NTM: variants seen among roughly 807,000 people sequenced by gnomAD.
NTM encodes IgLON family member 2.
In NTM, 13 loss-of-function variants were observed where a neutral mutation model predicts 42.1. The ratio of observed to expected loss-of-function variants is 0.31; its 90% CI spans 0.20 to 0.49. The LOEUF (loss-of-function observed/expected upper bound fraction) is 0.49. NTM is among the 20% of genes least tolerant of loss of function. The pLI is 0.99. For synonymous variants in NTM, 187 were observed against 179.2 expected (o/e 1.04, Z -0.35); for missense variants, 373 against 452.8 (o/e 0.82, Z 1.60).
At chr11:132,157,359 G>A (rs890786522) in intron 3 of NTM, among the ~76,000 whole-genome samples, 1 of 152,138 alleles carries the variant, frequency 6.6e-6, no homozygotes, top group African/African-American at 2.4e-5. Flanking sequence ...CTTTGGAGAT[G>A]CACCCTTGTC....
intron 1 of NTM, among the ~76,000 whole-genome samples, chr11:131,666,128 TA>T (rs1195330008): frequency 6.6e-6 from 1 of 152,170 alleles, no homozygotes; most frequent in Admixed American, 6.5e-5. Context: ...ACAACACATC[TA>T]TTCTGAGGAT....
chr11:131,579,725 A>T (rs928026849), intron 1 of NTM, among the ~76,000 whole-genome samples: 1 of 152,192 alleles, frequency 6.6e-6, no homozygotes, highest in African/African-American at 2.4e-5. Flanking sequence ...AGTCAATGCA[A>T]GGGCAGAGAT....
In NTM at chr11:131,789,502, AG is replaced by A. The variant is rs1174530117; in HGVS notation, c.83-122061del. On this transcript the variant is annotated intron_variant, in intron 1 of 8. Coordinates refer to ENST00000683400, the MANE Select transcript of NTM (RefSeq NM_001352005.2). ...AGAAGAAGAAGAAGAGGAAAGAAGA[AG>A]AAGAAGAAGAAGAAGAAGAAGAAGA... 3.9e-4 allele frequency among the ~76,000 whole-genome samples: 4 copies of A among 10,290 alleles called. 2 individuals carry two copies. The highest frequency in any genetic ancestry group is 2.2e-3 in the Admixed American group (2 of 902). The allele number at this position is 10,290 out of a possible 152,430, so 6.8% of individuals were successfully genotyped here.
intron 4 of NTM, among the ~76,000 whole-genome samples, chr11:132,288,771 C>G (rs975672701): frequency 1.3e-5 from 2 of 152,260 alleles, no homozygotes; most frequent in South Asian, 2.1e-4. Flanking sequence ...AGGCGCCCAC[C>G]ACCACGCCCA....
At chr11:131,419,099 C>CA (rs933471829) in intron 1 of NTM, among the ~76,000 whole-genome samples, 5 of 152,144 alleles carry the variant, frequency 3.3e-5, no homozygotes, top group East Asian at 1.9e-4. Flanking sequence ...ATCCATCCCT[C>CA]AAAAAAATGG....
At chr11:132,091,860 A>G (rs1231469914) in intron 2 of NTM, among the ~76,000 whole-genome samples, 1 of 152,202 alleles carries the variant, frequency 6.6e-6, no homozygotes, top group Non-Finnish European at 1.5e-5. Context: ...TTGTACCTCC[A>G]GCAACTACAC....
chr11:131,571,164 C>G (rs2137086633), intron 1 of NTM, among the ~76,000 whole-genome samples: 1 of 152,320 alleles, frequency 6.6e-6, no homozygotes, highest in East Asian at 1.9e-4. Context: ...GTGCTTCAGA[C>G]AAGGAGGTGC....
intron 1 of NTM, among the ~76,000 whole-genome samples, chr11:131,678,244 A>G (rs1234806990): frequency 6.6e-6 from 1 of 152,196 alleles, no homozygotes; most frequent in Non-Finnish European, 1.5e-5. Flanking sequence ...CTAAGGGCAC[A>G]CCCTGGGCAC....
intron 2 of NTM, among the ~76,000 whole-genome samples, chr11:132,011,902 G>A (rs1231279916): frequency 6.6e-6 from 1 of 152,094 alleles, no homozygotes; most frequent in East Asian, 1.9e-4. Flanking sequence ...CCCAATCCCT[G>A]TTCTCTCTCA....
At chr11:131,651,669 G>A (rs941895438) in intron 1 of NTM, among the ~76,000 whole-genome samples, 5 of 151,882 alleles carry the variant, frequency 3.3e-5, no homozygotes, top group East Asian at 1.9e-4. Flanking sequence ...GTGAAACCCT[G>A]TTTTTTACTA....
chr11:132,020,245 C>A (rs1395831418), intron 2 of NTM, among the ~76,000 whole-genome samples: 3 of 152,050 alleles, frequency 2.0e-5, no homozygotes, highest in African/African-American at 7.2e-5. Context: ...CACTGATGGG[C>A]ACCTGGGCTG....
intron 2 of NTM, among the ~76,000 whole-genome samples, chr11:131,982,034 G>A (rs1406296105): frequency 1.3e-5 from 2 of 150,466 alleles, no homozygotes; most frequent in African/African-American, 4.9e-5. Flanking sequence ...GAAAAGGAGA[G>A]AAAACAAGCA....
At chr11:132,261,304 A>G (rs941468085) in intron 4 of NTM, among the ~76,000 whole-genome samples, 3 of 152,174 alleles carry the variant, frequency 2.0e-5, no homozygotes, top group Non-Finnish European at 4.4e-5. Flanking sequence ...GCTTAAAATC[A>G]GGTTGTCTTG....
chr11:132,007,746 A>G (rs2071139960), intron 2 of NTM, among the ~76,000 whole-genome samples: 1 of 152,194 alleles, frequency 6.6e-6, no homozygotes, highest in African/African-American at 2.4e-5. Context: ...GGGGCACATC[A>G]TAATTCAGAG....
chr11:131,832,247 G>T (rs1328720606), intron 1 of NTM, among the ~76,000 whole-genome samples: 1 of 151,526 alleles, frequency 6.6e-6, no homozygotes, highest in South Asian at 2.1e-4. Flanking sequence ...CTCACTCATG[G>T]GTTCAGAGTA....
intron 1 of NTM, among the ~76,000 whole-genome samples, chr11:131,725,510 C>T (rs575944365): frequency 7.3e-4 from 111 of 152,074 alleles, no homozygotes; most frequent in African/African-American, 2.2e-3. Flanking sequence ...TGAGCCATGT[C>T]GACATCTCAG....
chr11:131,634,187 G>T (rs976197877), intron 1 of NTM, among the ~76,000 whole-genome samples: 5 of 152,156 alleles, frequency 3.3e-5, no homozygotes, highest in African/African-American at 1.2e-4. Context: ...GTTATGAGTT[G>T]TAGATCTGTT....
intron 7 of NTM, among the ~76,000 whole-genome samples, chr11:132,318,678 C>T (rs932593922): frequency 1.3e-5 from 2 of 152,182 alleles, no homozygotes; most frequent in African/African-American, 4.8e-5. Flanking sequence ...GAGGACAGTG[C>T]TGACCACAGC....
intron 2 of NTM, among the ~76,000 whole-genome samples, chr11:132,126,109 C>T (rs2137004146): frequency 6.6e-6 from 1 of 152,166 alleles, no homozygotes; most frequent in Middle Eastern, 3.4e-3. Context: ...GGTCTCGCCA[C>T]CTGGGTGTGT....
Sources: allele counts gnomAD v4.1 joint callset (sites outside exome capture counted in the v4.1 genomes callset), GRCh38; gene constraint gnomAD v4.1.1; transcripts MANE v1.5; gene names NCBI Gene and HGNC (gene_info 2026-07-23, HGNC 2026-07-21).